The following SCD5 variants were observed in gnomAD, a reference collection of about 807,000 sequenced individuals.
SCD5 encodes the protein acyl-CoA-desaturase 4.
Under a neutral mutation model 30.4 loss-of-function variants are expected in SCD5, and 20 were observed. The observed-to-expected ratio is 0.66, with a 90% CI of 0.46 to 0.96. The LOEUF is 0.96. Ranked by LOEUF, SCD5 falls within the 40% of genes least tolerant of loss-of-function variation. The pLI is 0.00. For synonymous variants in SCD5, 173 were observed against 176.4 expected (o/e 0.98, Z 0.16); for missense variants, 381 against 443.3 (o/e 0.86, Z 1.26).
At chr4:82,686,488 G>A (rs1728706996) in intron 2 of SCD5, among the ~76,000 whole-genome samples, 1 of 152,130 alleles carries the variant, frequency 6.6e-6, no homozygotes, top group Admixed American at 6.6e-5. Flanking sequence ...TCACTTTCTG[G>A]AGTTTATCTT....
chr4:82,793,081 GT>G (rs1722133414), intron 1 of SCD5, among the ~76,000 whole-genome samples: 1 of 152,206 alleles, frequency 6.6e-6, no homozygotes, highest in African/African-American at 2.4e-5. Context: ...TTGCCCATTT[GT>G]TAAAAATGCA....
intron 1 of SCD5, among the ~76,000 whole-genome samples, chr4:82,768,514 AG>A (rs1447014930): frequency 6.6e-6 from 1 of 152,238 alleles, no homozygotes; most frequent in Non-Finnish European, 1.5e-5. Flanking sequence ...GGCAGAGGTA[AG>A]GCAAAGTTGA....
intron 1 of SCD5, among the ~76,000 whole-genome samples, chr4:82,716,031 G>A (rs1048469448): frequency 1.3e-5 from 2 of 151,262 alleles, no homozygotes; most frequent in Non-Finnish European, 2.9e-5. Flanking sequence ...GCTAATATTT[G>A]TTCAGTACAA....
intron 1 of SCD5, among the ~76,000 whole-genome samples, chr4:82,776,503 T>C (rs1721747416): frequency 6.6e-6 from 1 of 152,190 alleles, no homozygotes; most frequent in South Asian, 2.1e-4. Context: ...TTAGAGGTGT[T>C]CATATCCCTG....
At chr4:82,780,076 C>T (rs557376304) in intron 1 of SCD5, among the ~76,000 whole-genome samples, 88 of 152,316 alleles carry the variant, frequency 5.8e-4, no homozygotes, top group African/African-American at 2.0e-3. Flanking sequence ...ATACAGGAAG[C>T]ACTTAGGCCC....
chr4:82,777,844 A>G (rs978072675), intron 1 of SCD5, among the ~76,000 whole-genome samples: 1 of 152,254 alleles, frequency 6.6e-6, no homozygotes, highest in South Asian at 2.1e-4. Context: ...CATGCAACTA[A>G]GCAATAAAGT....
At chr4:82,638,445 G>T (rs1246632507) in intron 3 of SCD5, among the ~76,000 whole-genome samples, 1 of 152,196 alleles carries the variant, frequency 6.6e-6, no homozygotes, top group Non-Finnish European at 1.5e-5. Flanking sequence ...TACTGCTGGG[G>T]CAACTGAACT....
intron 1 of SCD5, among the ~76,000 whole-genome samples, chr4:82,744,117 C>T (rs1578048932): frequency 6.6e-6 from 1 of 152,122 alleles, no homozygotes; most frequent in Non-Finnish European, 1.5e-5. Flanking sequence ...TGAGCCATGG[C>T]GCCTGGCTGA....
At chr4:82,740,357 A>C (rs1720847844) in intron 1 of SCD5, among the ~76,000 whole-genome samples, 1 of 152,158 alleles carries the variant, frequency 6.6e-6, no homozygotes, top group African/African-American at 2.4e-5. Flanking sequence ...AGAGGGGAGA[A>C]AGGATGGGAG....
At chr4:82,762,212 G>A (rs1260614115) in intron 1 of SCD5, among the ~76,000 whole-genome samples, 2 of 129,502 alleles carry the variant, frequency 1.5e-5, no homozygotes, top group African/African-American at 5.7e-5. Context: ...GGGAGGGGGA[G>A]AGGAGGGGAG....
chr4:82,681,997 C>T (rs1428917603), intron 2 of SCD5, among the ~76,000 whole-genome samples: 1 of 152,174 alleles, frequency 6.6e-6, no homozygotes, highest in Non-Finnish European at 1.5e-5. Flanking sequence ...ACCAAGGCAC[C>T]AGTGGCATCA....
intron 3 of SCD5, among the ~76,000 whole-genome samples, chr4:82,675,308 TA>T (rs2148820008): frequency 6.6e-6 from 1 of 152,208 alleles, no homozygotes; most frequent in South Asian, 2.1e-4. Flanking sequence ...AATGAGCCTT[TA>T]AAAACAACAA....
chr4:82,688,165 G>C (rs1476112495), intron 2 of SCD5, among the ~76,000 whole-genome samples: 1 of 152,160 alleles, frequency 6.6e-6, no homozygotes, highest in Admixed American at 6.5e-5. Context: ...AATTCCACTT[G>C]TATTCATAAC....
intron 1 of SCD5, among the ~76,000 whole-genome samples, chr4:82,738,433 T>C (rs1720800664): frequency 6.6e-6 from 1 of 152,164 alleles, no homozygotes; most frequent in Non-Finnish European, 1.5e-5. Flanking sequence ...AAAAAAGTTA[T>C]CACTGTCTGT....
intron 1 of SCD5, among the ~76,000 whole-genome samples, chr4:82,735,198 C>T (rs1015646233): frequency 2.6e-5 from 4 of 152,138 alleles, no homozygotes; most frequent in Admixed American, 1.3e-4. Context: ...ACTGTCTGTG[C>T]GGTTTGCAAG....
intron 3 of SCD5, among the ~76,000 whole-genome samples, chr4:82,664,726 T>C (rs1728129769): frequency 6.6e-6 from 1 of 152,044 alleles, no homozygotes; most frequent in African/African-American, 2.4e-5. Flanking sequence ...AACTTGAAGA[T>C]ATGCCAATAG....
chr4:82,690,756 T>G (rs1578023021), intron 2 of SCD5, among the ~76,000 whole-genome samples: 1 of 152,258 alleles, frequency 6.6e-6, no homozygotes, highest in South Asian at 2.1e-4. Flanking sequence ...ACTGGACTCA[T>G]TCTTATCTTT....
intron 2 of SCD5, among the ~76,000 whole-genome samples, chr4:82,685,000 A>G (rs1163723013): frequency 6.6e-5 from 10 of 152,336 alleles, no homozygotes. Flanking sequence ...CATTCAAACA[A>G]ATCAATTACC....
chr4:82,679,732 C>T (rs1054850884), intron 3 of SCD5, among the ~76,000 whole-genome samples: 5 of 152,120 alleles, frequency 3.3e-5, no homozygotes, highest in African/African-American at 1.2e-4. Flanking sequence ...CTCCCCTCAG[C>T]GTAAAAGGAG....
Sources: gnomAD v4.1 joint callset for allele counts (sites outside exome capture counted in the v4.1 genomes callset) on GRCh38, gnomAD v4.1.1 for gene constraint, MANE v1.5 for transcripts, NCBI Gene and HGNC (gene_info 2026-07-23, HGNC 2026-07-21) for gene names.